Variants in MTMR2 observed in about 807,000 individuals in gnomAD.
MTMR2 encodes phosphatidylinositol-3,5-bisphosphate 3-phosphatase MTMR2.
MTMR2 carries 55 observed loss-of-function variants against 86.9 expected under a neutral mutation model. The ratio of observed to expected loss-of-function variants is 0.63; its 90% CI spans 0.51 to 0.79. The LOEUF (loss-of-function observed/expected upper bound fraction) is 0.79. Among genes scored for constraint, MTMR2 ranks in the 30% least tolerant of loss-of-function variants. The probability of loss-of-function intolerance (pLI) is 0.00; values close to 1 mark genes in which losing one functional copy is unlikely to be tolerated. For missense variants in MTMR2, 659 were observed against 772.3 expected, an observed-to-expected ratio of 0.85 and a Z score of 1.74; for synonymous variants, 241 against 266.8, an observed-to-expected ratio of 0.90 and a Z score of 0.94.
chr11:95,850,796 A>T, intron 7 of MTMR2, 47 bp from the exon 8 acceptor site: 1 of 1,551,030 alleles, frequency 6.4e-7, no homozygotes, highest in Non-Finnish European at 8.9e-7. Context: ...TAACTAAAAT[A>T]TTAAACGACA....
intron 1 of MTMR2, chr11:95,923,666 T>C: frequency 7.0e-7 from 1 of 1,421,950 alleles, no homozygotes. Context: ...GGTAGAGGAA[T>C]CGATAAAGAA....
chr11:95,842,340 A>G (rs1269514196), intron 11 of MTMR2, among the ~76,000 whole-genome samples: 1 of 152,202 alleles, frequency 6.6e-6, no homozygotes, highest in Non-Finnish European at 1.5e-5. Context: ...TTTCTCTCTG[A>G]GAAATAAGTT....
At chr11:95,896,749 G>A (rs1208457881) in intron 1 of MTMR2, among the ~76,000 whole-genome samples, 2 of 151,992 alleles carry the variant, frequency 1.3e-5, no homozygotes, top group Non-Finnish European at 2.9e-5. Flanking sequence ...ACATGGGTAG[G>A]GAAGGTGGAA....
At position 95,841,582 on chromosome 11, in the gene MTMR2, G is replaced by T. The variant is rs372292576; in HGVS notation, c.1479+35C>A. ...CCCACTCTGACAGGAAAACTGAAAG[G>T]AGATGTGTAAGAATACATAGGCCAG... On this transcript the variant is annotated intron_variant, in intron 12 of 14. Coordinates refer to ENST00000346299, the MANE Select transcript of MTMR2 (RefSeq NM_016156.6). The T allele has an allele frequency of 6.3e-6, 9 of 1,437,932 alleles. No individual in the cohort carries two copies. The African/African-American group carries it at 1.1e-4, about 18-fold the overall frequency. 89.1% of individuals were successfully genotyped at this position (1,437,932 alleles called of 1,614,324 possible). A position where few individuals can be genotyped will look rare whatever the true frequency, so the allele number is the denominator to read the frequency against.
At chr11:95,912,863 T>C (rs1425879317) in intron 1 of MTMR2, 6 of 151,998 alleles carry the variant, frequency 3.9e-5, no homozygotes, top group African/African-American at 1.4e-4. Flanking sequence ...TGAAGAAAAG[T>C]TTTAACAGTA....
intron 2 of MTMR2, among the ~76,000 whole-genome samples, chr11:95,868,808 C>G (rs1297124113): frequency 1.3e-5 from 2 of 151,966 alleles, no homozygotes; most frequent in Non-Finnish European, 2.9e-5. Flanking sequence ...TCAAGGTTAT[C>G]TATAATACCA....
chr11:95,920,897 C>T (rs868317426), intron 1 of MTMR2, among the ~76,000 whole-genome samples: 5 of 152,288 alleles, frequency 3.3e-5, no homozygotes, highest in Middle Eastern at 3.4e-3. Flanking sequence ...CCATGGCACT[C>T]GGCCAAGTAT....
At chr11:95,875,495 G>A (rs511195) in intron 2 of MTMR2, among the ~76,000 whole-genome samples, 23 of 152,060 alleles carry the variant, frequency 1.5e-4, no homozygotes, top group South Asian at 2.1e-4. Context: ...TTAGCCATTC[G>A]TCTAATTTTT....
chr11:95,838,210 G>T lies in MTMR2; in HGVS notation c.1480-3C>A. The T allele has an allele frequency of 6.7e-7, 1 of 1,500,658 alleles. No homozygotes were observed. Among genetic ancestry groups the T allele is most frequent in the Non-Finnish European group, 9.3e-7 (1 of 1,077,534 alleles). 93.0% of individuals were successfully genotyped at this position (1,500,658 alleles called of 1,614,324 possible). A position where few individuals can be genotyped will look rare whatever the true frequency, so the allele number is the denominator to read the frequency against. On this transcript the variant is annotated splice_polypyrimidine_tract_variant and splice_region_variant and intron_variant, in intron 12 of 14. Transcript: ENST00000346299. Reference sequence around the variant, plus strand: ...TTGAATTCAAATGCGGTAGGAAACTGCAAATCAAACATCACAAACACATAA... The same window carrying T: ...TTGAATTCAAATGCGGTAGGAAACTTCAAATCAAACATCACAAACACATAA...
In MTMR2 at chr11:95,843,489, C is replaced by T. The variant is rs940248319; in HGVS notation, c.1386+1464G>A. 3.3e-5 allele frequency among the ~76,000 whole-genome samples: 5 copies of T among 152,140 alleles called. No individual in the cohort carries two copies. In the East Asian group the frequency reaches 9.6e-4, roughly 29 times the overall value. On this transcript the variant is annotated intron_variant, in intron 11 of 14. Transcript: ENST00000346299. ...ATAACAACTAACCTCTAAGAAACTA[C>T]CATTTATCAAGTTCTGGCGTAGTAT...
At chr11:95,895,813 C>G (rs1865860349) in intron 1 of MTMR2, among the ~76,000 whole-genome samples, 1 of 151,912 alleles carries the variant, frequency 6.6e-6, no homozygotes. Context: ...GATTATTTAC[C>G]AGAGAAAAAC....
intron 1 of MTMR2, among the ~76,000 whole-genome samples, chr11:95,922,194 GA>G (rs1253920161): frequency 6.6e-6 from 1 of 152,160 alleles, no homozygotes; most frequent in Non-Finnish European, 1.5e-5. Flanking sequence ...AAGTCTAAAT[GA>G]AAAGACCAAA....
At chr11:95,914,230 CCATT>C in intron 1 of MTMR2, 1 of 961,828 alleles carries the variant, frequency 1.0e-6, no homozygotes, top group African/African-American at 1.8e-5. Context: ...CTGCATTTTC[CCATT>C]CACTTACATT....
At chr11:95,903,050 T>C (rs773811831) in intron 1 of MTMR2, among the ~76,000 whole-genome samples, 4 of 152,192 alleles carry the variant, frequency 2.6e-5, no homozygotes, top group Non-Finnish European at 5.9e-5. Flanking sequence ...TAAATGAGCA[T>C]TTAAACACCT....
intron 3 of MTMR2, 164 bp downstream of exon 3, chr11:95,865,437 T>TA: frequency 1.4e-6 from 1 of 717,800 alleles, no homozygotes; most frequent in African/African-American, 1.8e-5. Flanking sequence ...GGTCTAGGCT[T>TA]ACGTTTGTAG....
In MTMR2 at chr11:95,842,599, C is replaced by T. The variant is rs550111261; in HGVS notation, c.1387-890G>A. 4.6e-5 allele frequency among the ~76,000 whole-genome samples: 7 copies of T among 152,280 alleles called. No homozygotes were observed. The South Asian group carries it at 1.2e-3, about 27-fold the overall frequency. ...CTGAAAACAGAATCCTGCTCCTTAC[C>T]CCAAAGCAGGAATTCTAAAAGTGTG... On this transcript the variant is annotated intron_variant, in intron 11 of 14. Transcript: ENST00000346299.
intron 1 of MTMR2, among the ~76,000 whole-genome samples, chr11:95,905,955 G>A (rs769260306): frequency 3.3e-5 from 5 of 151,986 alleles, no homozygotes; most frequent in Non-Finnish European, 5.9e-5. Context: ...GCCAGGCATC[G>A]TGGTTCCGCC....
In MTMR2 at chr11:95,862,375, G is replaced by T. The variant is rs200746130; in HGVS notation, c.263-9C>A. 5 of 1,581,972 alleles carry T rather than the reference G, an allele frequency of 3.2e-6. No homozygotes were observed. The Admixed American group carries it at 5.0e-5, about 16-fold the overall frequency. ...ATAAGTTACATCTTTGGCTGAAAAA[G>T]CAAGAAGTCCACAGTTTACTATACA... On this transcript the variant is annotated splice_polypyrimidine_tract_variant and intron_variant, in intron 3 of 14. Coordinates refer to ENST00000346299, the MANE Select transcript of MTMR2 (RefSeq NM_016156.6).
chr11:95,873,286 C>A (rs1392374623), intron 2 of MTMR2, among the ~76,000 whole-genome samples: 1 of 152,134 alleles, frequency 6.6e-6, no homozygotes, highest in Admixed American at 6.5e-5. Context: ...AATTTCAGAG[C>A]CTGTTATTGG....
Sources: gnomAD v4.1 joint callset for allele counts (sites outside exome capture counted in the v4.1 genomes callset) on GRCh38, gnomAD v4.1.1 for gene constraint, MANE v1.5 for transcripts, NCBI Gene and HGNC (gene_info 2026-07-23, HGNC 2026-07-21) for gene names.